Variants in GRIN2C observed in about 807,000 individuals in gnomAD.
The protein encoded by GRIN2C is glutamate ionotropic receptor NMDA type subunit 2C, also known as glutamate receptor ionotropic, NMDA 2C.
In GRIN2C, 64 loss-of-function variants were observed where a neutral mutation model predicts 77.7. The observed-to-expected ratio is 0.82, with a 90% confidence interval of 0.67 to 1.01. The LOEUF is 1.01. Ranked by LOEUF, GRIN2C falls within the 50% of genes least tolerant of loss-of-function variation. GRIN2C has a pLI of 0.00. For missense variants in GRIN2C, 1,549 were observed against 1,486.0 expected, an observed-to-expected ratio of 1.04 and a Z score of -0.70; for synonymous variants, 792 against 643.4, an observed-to-expected ratio of 1.23 and a Z score of -3.49.
chr17:74,860,410 T>G (rs1190801602), upstream of GRIN2C: 2 of 456,338 alleles, frequency 4.4e-6, no homozygotes, highest in African/African-American at 4.0e-5. Flanking sequence ...ACGAATGGGG[T>G]GGGCATCAGG....
At position 74,847,066 on chromosome 17, in the gene GRIN2C, G is replaced by T; in HGVS notation, c.2002-146C>A. The T allele has an allele frequency of 1.1e-6, 1 of 879,672 alleles. No homozygotes were observed. The allele number at this position is 879,672 out of a possible 1,614,324, so 54.5% of individuals were successfully genotyped here. On this transcript the variant is annotated intron_variant, in intron 9 of 12. Transcript: ENST00000293190. The surrounding 1 kb of genome is among the most constrained non-coding windows in gnomAD (Gnocchi z 5.2). ...TAAAGGCTGTCCAGGCCACTCCTGT[G>T]TTTTCCAAATGGAGACTCTGAGGCC...
At chr17:74,860,218 G>T (rs931346037), upstream of GRIN2C, among the ~76,000 whole-genome samples, 4 of 152,204 alleles carry the variant, frequency 2.6e-5, no homozygotes, top group East Asian at 7.7e-4. Context: ...CACTAGCACC[G>T]CCAAGACCTG....
At position 74,850,060 on chromosome 17, in the gene GRIN2C, G is replaced by C. The variant is rs1033014044; in HGVS notation, c.1492-127C>G. ...TCAATCATTCCCTCTGGGGCCCTCA[G>C]AGCTCAGCTTTCAGTACTGACCACC... On this transcript the variant is annotated intron_variant, in intron 6 of 12. Transcript: ENST00000293190. The surrounding 1 kb of genome is among the most constrained non-coding windows in gnomAD (Gnocchi z 5.3). 1.5e-6 allele frequency: 2 copies of C among 1,356,658 alleles called. No homozygotes were observed. The highest frequency in any genetic ancestry group is 2.9e-5 in the African/African-American group (2 of 69,700). 84.0% of individuals were successfully genotyped at this position (1,356,658 alleles called of 1,614,324 possible).
rs751657535 is a variant in GRIN2C, at chr17:74,850,230, G to A, written c.1467C>T (p.Gly489=). ...TNGKHGKRVR[G]VWNGMIGEVY... is the part of the protein sequence containing the mutation. ...CCTCCCCAATCATGCCGTTCCATAC[G>A]CCGCGCACCCGCTTGCCATGCTTGC... The change falls in exon 6 of 13, where the codon GGC becomes GGT. Residue 489 remains glycine (G), a synonymous_variant. Coordinates refer to ENST00000293190, the MANE Select transcript of GRIN2C (RefSeq NM_000835.6). The surrounding 1 kb of genome is among the most constrained non-coding windows in gnomAD (Gnocchi z 5.3). The A allele has an allele frequency of 6.0e-5, 96 of 1,613,446 alleles. 2 individuals are homozygous for A. The South Asian group carries it at 6.9e-4, about 12-fold the overall frequency.
At chr17:74,848,866 A>C (rs1345845087) in intron 7 of GRIN2C, among the ~76,000 whole-genome samples, 1 of 151,986 alleles carries the variant, frequency 6.6e-6, no homozygotes. Context: ...AAAATACAAA[A>C]ATTAGCCAGG....
chr17:74,848,646 G>A (rs1002357972), intron 7 of GRIN2C, among the ~76,000 whole-genome samples: 1 of 152,140 alleles, frequency 6.6e-6, no homozygotes, highest in African/African-American at 2.4e-5. Context: ...GTTGCAGTGA[G>A]CTGAGAGCGC....
In GRIN2C at chr17:74,850,220, C is replaced by T. The variant is rs775414837; in HGVS notation, c.1477G>A (p.Gly493Ser). ...GTGGGGCCTACCTCCCCAATCATGC[C>T]GTTCCATACGCCGCGCACCCGCTTG... is the stretch of plus-strand genomic sequence containing the variant. ...HGKRVRGVWN[G>S]MIGEVYYKRA... Residue 493 changes from glycine (G) to serine (S), a missense_variant, in exon 6 of 13, where the codon GGC (glycine) becomes AGC (serine). By Grantham distance (56) the Gly-to-Ser change is moderately conservative. Transcript: ENST00000293190. This position sits in a 1 kb window ranked among gnomAD's most constrained non-coding sequence, Gnocchi z 5.3. The T allele has an allele frequency of 9.3e-6, 15 of 1,613,396 alleles. No individual in the cohort carries two copies. Among genetic ancestry groups the T allele is most frequent in the South Asian group, 3.3e-5 (3 of 91,076 alleles).
chr17:74,851,135 C>G (rs1391695322), intron 4 of GRIN2C: 1 of 348,198 alleles, frequency 2.9e-6, no homozygotes, highest in Non-Finnish European at 5.3e-6. Context: ...CCTCCACAGC[C>G]CAGCTCAAAT....
In GRIN2C at chr17:74,847,960, C is replaced by A; in HGVS notation, c.1663G>T (p.Val555Leu). 1 of 1,614,156 alleles carries A rather than the reference C, an allele frequency of 6.2e-7. No individual in the cohort carries two copies. The highest frequency in any genetic ancestry group is 1.1e-5 in the South Asian group (1 of 91,090). Reference sequence around the variant, plus strand: ...CACATGACAAACATCATCACCCACACTGCAGGGCTATATGGCTCTGGGGAC... The same window carrying A: ...CACATGACAAACATCATCACCCACAATGCAGGGCTATATGGCTCTGGGGAC... ...SAFLEPYSPA[V>L]WVMMFVMCLT... Residue 555 changes from valine (V) to leucine (L), a missense_variant, in exon 8 of 13, where the codon GTG (valine) becomes TTG (leucine). This residue lies in a region of GRIN2C where 717 missense variants were observed against 858.1 expected (regional missense o/e 0.84). Transcript: ENST00000293190. This position sits in a 1 kb window ranked among gnomAD's most constrained non-coding sequence, Gnocchi z 5.2.
chr17:74,851,401 C>T, intron 4 of GRIN2C, 176 bp downstream of exon 4: 2 of 578,846 alleles, frequency 3.5e-6, no homozygotes. Context: ...GGGCACCTCA[C>T]CCACCCCGGG....
rs1287694761 is a variant in GRIN2C at position 74,859,077 on chromosome 17, G to T, written c.-16+667C>A. On this transcript the variant is annotated intron_variant, in intron 1 of 12. Transcript: ENST00000293190. The surrounding 1 kb of genome is among the most constrained non-coding windows in gnomAD (Gnocchi z 5.9). ...CCCCTCCACCCCTCCATTCTGCCCTGCGGCAGGTGTGTGTGCACTCATTAA... is the reference window on the plus strand; with the variant it reads ...CCCCTCCACCCCTCCATTCTGCCCTTCGGCAGGTGTGTGTGCACTCATTAA... 6.6e-6 allele frequency among the ~76,000 whole-genome samples: 1 copy of T among 152,080 alleles called. No homozygotes were observed. The highest frequency in any genetic ancestry group is 1.5e-5 in the Non-Finnish European group (1 of 68,010).
chr17:74,844,264 G>A lies in GRIN2C; in HGVS notation c.2583+12C>T, dbSNP rs747782933. On this transcript the variant is annotated intron_variant, in intron 12 of 12. Transcript: ENST00000293190. The stretch of plus-strand genomic sequence containing the variant: ...AAAACTTTGGCCTGTGTGGGGAGGG[G>A]TGGGCACCCACCCTGCTGAAAGCCA... The A allele has an allele frequency of 6.2e-7, 1 of 1,613,344 alleles. No individual in the cohort carries two copies. The highest frequency in any genetic ancestry group is 8.5e-7 in the Non-Finnish European group (1 of 1,179,518).
rs761077210 is a variant in GRIN2C at position 74,846,196 on chromosome 17, G to A, written c.2220C>T (p.Asp740=). 5.6e-6 allele frequency: 9 copies of A among 1,614,154 alleles called. No homozygotes were observed. The highest frequency in any genetic ancestry group is 1.7e-5 in the Admixed American group (1 of 60,026). The change falls in exon 11 of 13, where the codon GAC becomes GAT. Residue 740 remains aspartate (D), a synonymous_variant. Coordinates refer to ENST00000293190, the MANE Select transcript of GRIN2C (RefSeq NM_000835.6). This position sits in a 1 kb window ranked among gnomAD's most constrained non-coding sequence, Gnocchi z 4.4. ...AAVLNYMAGK[D]EGCKLVTIGS... is the part of the protein sequence containing the mutation. Reference sequence around the variant, plus strand: ...CAATGGTGACCAGCTTGCAGCCCTCGTCCTTGCCTGCCATGTAGTTGAGGA... The same window carrying A: ...CAATGGTGACCAGCTTGCAGCCCTCATCCTTGCCTGCCATGTAGTTGAGGA...
Position 74,852,372 on chromosome 17 carries a change from C to T in GRIN2C, c.639G>A (p.Gln213=), listed in dbSNP as rs1284431505. ...LGPGGPRART[Q]RLLRQLDAPV... ...GCGCGTCGAGCTGGCGCAGCAGGCG[C>T]TGCGTGCGCGCGCGCGGCCCTCCCG... is the stretch of plus-strand genomic sequence containing the variant. The change falls in exon 3 of 13, where the codon CAG becomes CAA. Residue 213 remains glutamine (Q), a synonymous_variant. Coordinates refer to ENST00000293190, the MANE Select transcript of GRIN2C (RefSeq NM_000835.6). The T allele has an allele frequency of 6.9e-7, 1 of 1,445,880 alleles. No homozygotes were observed. The highest frequency in any genetic ancestry group is 9.0e-7 in the Non-Finnish European group (1 of 1,107,648). The allele number at this position is 1,445,880 out of a possible 1,614,324, so 89.6% of individuals were successfully genotyped here.
Position 74,842,620 on chromosome 17 carries a change from T to G in GRIN2C, c.3517A>C (p.Ser1173Arg). Residue 1173 changes from serine (S) to arginine (R), a missense_variant, in exon 13 of 13, where the codon AGC (serine) becomes CGC (arginine). Physicochemically the swap from Ser to Arg is moderately radical, Grantham distance 110. Coordinates refer to ENST00000293190, the MANE Select transcript of GRIN2C (RefSeq NM_000835.6). ...AVCPHLPPCA[S>R]HGSWLSGAWG... The stretch of plus-strand genomic sequence containing the variant: ...GCCCCGGAGAGCCAGGAGCCGTGGC[T>G]GGCACAGGGTGGAAGGTGAGGACAG... 1.3e-6 allele frequency: 1 copy of G among 758,132 alleles called. No individual in the cohort carries two copies. The highest frequency in any genetic ancestry group is 1.4e-5 in the South Asian group (1 of 71,852). The allele number at this position is 758,132 out of a possible 1,614,324, so 47.0% of individuals were successfully genotyped here. A position where few individuals can be genotyped will look rare whatever the true frequency, so the allele number is the denominator to read the frequency against.
Position 74,847,258 on chromosome 17 carries a change from T to TGCCCCCCCCCACTGGCCCCCCCCCCCC in GRIN2C, c.2001+49_2001+50insGGGGGGGGGGGGCCAGTGGGGGGGGGC. 1 of 925,884 alleles carries TGCCCCCCCCCACTGGCCCCCCCCCCCC rather than the reference T, an allele frequency of 1.1e-6. No homozygotes were observed. Among genetic ancestry groups the TGCCCCCCCCCACTGGCCCCCCCCCCCC allele is most frequent in the East Asian group, 2.8e-5 (1 of 35,612 alleles). The allele number at this position is 925,884 out of a possible 1,614,324, so 57.4% of individuals were successfully genotyped here. A position where few individuals can be genotyped will look rare whatever the true frequency, so the allele number is the denominator to read the frequency against. ...CCAGGGCCTGCCCACTCACGGCCTG[T>TGCCCCCCCCCACTGGCCCCCCCCCCCC]CCCCACCCTCAGTGCCCCCCCCCAC... On this transcript the variant is annotated intron_variant, in intron 9 of 12. Transcript: ENST00000293190. The surrounding 1 kb of genome is among the most constrained non-coding windows in gnomAD (Gnocchi z 5.2).
intron 1 of GRIN2C, among the ~76,000 whole-genome samples, chr17:74,857,486 T>A (rs2037847766): frequency 6.6e-6 from 1 of 152,134 alleles, no homozygotes; most frequent in Non-Finnish European, 1.5e-5. Flanking sequence ...CCCAGAGACA[T>A]GTTTGAGTCT....
intron 1 of GRIN2C, 22 bp from the exon 2 acceptor site, chr17:74,855,129 C>A (rs1237408786): frequency 2.0e-6 from 3 of 1,524,822 alleles, no homozygotes; most frequent in Non-Finnish European, 2.6e-6. Flanking sequence ...CCAGAACAAG[C>A]ACAGGGAGAG....
In GRIN2C at chr17:74,850,190, G is replaced by A; in HGVS notation, c.1491+16C>T. 6.2e-7 allele frequency: 1 copy of A among 1,612,114 alleles called. No individual in the cohort carries two copies. Among genetic ancestry groups the A allele is most frequent in the Non-Finnish European group, 8.5e-7 (1 of 1,179,340 alleles). Reference sequence around the variant, plus strand: ...GGCAGGCAGGGCAGGTGAGGAGGGAGTGGGGTGGGGCCTACCTCCCCAATC... The same window carrying A: ...GGCAGGCAGGGCAGGTGAGGAGGGAATGGGGTGGGGCCTACCTCCCCAATC... On this transcript the variant is annotated intron_variant, in intron 6 of 12. Coordinates refer to ENST00000293190, the MANE Select transcript of GRIN2C (RefSeq NM_000835.6). This position sits in a 1 kb window ranked among gnomAD's most constrained non-coding sequence, Gnocchi z 5.3.
Sources: gnomAD v4.1 joint callset for allele counts (sites outside exome capture counted in the v4.1 genomes callset) on GRCh38, gnomAD v4.1.1 for gene constraint, gnomAD v4.1.1 regional missense constraint, Gnocchi (gnomAD v3.1) non-coding constraint, MANE v1.5 for transcripts, NCBI Gene and HGNC (gene_info 2026-07-23, HGNC 2026-07-21) for gene names.